EIPR1: variants seen among roughly 807,000 people sequenced by gnomAD.
EIPR1 encodes EARP and GARP complex-interacting protein 1.
Under a neutral mutation model 48.1 loss-of-function variants are expected in EIPR1, and 25 were observed. The observed-to-expected ratio is 0.52, with a 90% CI of 0.38 to 0.73. EIPR1 has a LOEUF of 0.73. Among genes scored for constraint, EIPR1 ranks in the 30% least tolerant of loss-of-function variants. The probability of loss-of-function intolerance (pLI) is 0.00; values close to 1 mark genes in which losing one functional copy is unlikely to be tolerated. For missense variants in EIPR1, 415 were observed against 506.2 expected, an observed-to-expected ratio of 0.82 and a Z score of 1.73; for synonymous variants, 204 against 201.9, an observed-to-expected ratio of 1.01 and a Z score of -0.09.
At chr2:3,373,372 T>C (rs1399925479) in intron 1 of EIPR1, among the ~76,000 whole-genome samples, 2 of 152,130 alleles carry the variant, frequency 1.3e-5, no homozygotes, top group African/African-American at 4.8e-5. Context: ...TGTTGGAAGT[T>C]CTGGCCAGGG....
chr2:3,269,699 ACACT>A (rs1232397270), intron 3 of EIPR1, among the ~76,000 whole-genome samples: 1 of 122,042 alleles, frequency 8.2e-6, no homozygotes, highest in African/African-American at 3.2e-5. Flanking sequence ...CTCAATCATC[ACACT>A]CAATCATCGC....
At chr2:3,263,823 C>A (rs1318487020) in intron 3 of EIPR1, among the ~76,000 whole-genome samples, 1 of 150,638 alleles carries the variant, frequency 6.6e-6, no homozygotes, top group African/African-American at 2.5e-5. Context: ...GTGTCCCCAA[C>A]AAATGATGCT....
intron 4 of EIPR1, among the ~76,000 whole-genome samples, chr2:3,255,980 C>T (rs1038370523): frequency 1.1e-4 from 16 of 152,268 alleles, no homozygotes; most frequent in African/African-American, 2.6e-4. Context: ...TGCATTCGGG[C>T]GGGGAGTGAC....
chr2:3,301,152 C>T (rs1668751613), intron 3 of EIPR1: 1 of 152,252 alleles, frequency 6.6e-6, no homozygotes, highest in East Asian at 1.9e-4. Flanking sequence ...CAGAGGTCAG[C>T]ATCACGGGCA....
chr2:3,370,669 G>A (rs1483007825), intron 1 of EIPR1, among the ~76,000 whole-genome samples: 8 of 151,702 alleles, frequency 5.3e-5, no homozygotes, highest in South Asian at 2.1e-4. Context: ...GAAATGAAGC[G>A]AGAAGGGAAG....
chr2:3,257,689 A>T (rs1343289159), intron 3 of EIPR1: 2 of 404,188 alleles, frequency 4.9e-6, no homozygotes, highest in African/African-American at 4.1e-5. Flanking sequence ...TGTTTTAAAA[A>T]CCATCATGCT....
At chr2:3,322,344 G>A (rs897313251) in intron 3 of EIPR1, among the ~76,000 whole-genome samples, 1 of 152,220 alleles carries the variant, frequency 6.6e-6, no homozygotes, top group Admixed American at 6.5e-5. Context: ...TCTCTGTCCT[G>A]AGTACTTACT....
At chr2:3,365,308 T>G (rs558509402) in intron 1 of EIPR1, among the ~76,000 whole-genome samples, 1 of 151,880 alleles carries the variant, frequency 6.6e-6, no homozygotes, top group Non-Finnish European at 1.5e-5. Context: ...ATAGATTAGA[T>G]AGATAGAGAT....
chr2:3,296,339 C>T (rs1246510948), intron 3 of EIPR1, among the ~76,000 whole-genome samples: 1 of 133,792 alleles, frequency 7.5e-6, no homozygotes, highest in African/African-American at 2.8e-5. Flanking sequence ...CCATCCAGCC[C>T]GTTCTCTCTC....
At chr2:3,338,390 A>G (rs3811618) in intron 2 of EIPR1, among the ~76,000 whole-genome samples, 73,644 of 152,060 alleles carry the variant, frequency 0.48, 19,850 homozygotes, top group East Asian at 0.82. Flanking sequence ...TAAGACTGCC[A>G]TCCGGTCATA....
intron 3 of EIPR1, among the ~76,000 whole-genome samples, chr2:3,275,652 A>G (rs560344489): frequency 3.9e-5 from 6 of 152,222 alleles, no homozygotes; most frequent in African/African-American, 1.4e-4. Flanking sequence ...TGGAAAAGAG[A>G]CTCCATATCA....
At chr2:3,269,145 G>A (rs1026452773) in intron 3 of EIPR1, among the ~76,000 whole-genome samples, 6 of 152,288 alleles carry the variant, frequency 3.9e-5, no homozygotes, top group Middle Eastern at 3.4e-3. Context: ...CCAAAAATGC[G>A]TGTGGTCTGA....
intron 3 of EIPR1, among the ~76,000 whole-genome samples, chr2:3,263,035 T>C (rs1288479710): frequency 2.0e-5 from 3 of 152,208 alleles, no homozygotes; most frequent in Admixed American, 6.5e-5. Context: ...GTGGGAGTCC[T>C]GTACTTTTAG....
chr2:3,197,842 G>C (rs2103110064), intron 5 of EIPR1, among the ~76,000 whole-genome samples: 1 of 152,334 alleles, frequency 6.6e-6, no homozygotes, highest in South Asian at 2.1e-4. Flanking sequence ...TTTCAAACCA[G>C]CTGTGCTCTT....
In EIPR1 at chr2:3,189,968, T is replaced by C. The variant is rs1389037578; in HGVS notation, c.990-460A>G. Among the ~76,000 whole-genome samples, 1 of 152,054 alleles carries C rather than the reference T, an allele frequency of 6.6e-6. No homozygotes were observed. The highest frequency in any genetic ancestry group is 1.5e-5 in the Non-Finnish European group (1 of 67,986). On this transcript the variant is annotated intron_variant, in intron 8 of 8. Coordinates refer to ENST00000382125, the MANE Select transcript of EIPR1 (RefSeq NM_003310.5). This position sits in a 1 kb window ranked among gnomAD's most constrained non-coding sequence, Gnocchi z 4.6. Reference sequence around the variant, plus strand: ...GCAGCGGGTCCAGCTCCTGGCTGTGTAGGAGTCAGAGGCTGGGGCACAAGG... The same window carrying C: ...GCAGCGGGTCCAGCTCCTGGCTGTGCAGGAGTCAGAGGCTGGGGCACAAGG...
chr2:3,227,943 T>C (rs1219157662), intron 4 of EIPR1, among the ~76,000 whole-genome samples: 1 of 152,270 alleles, frequency 6.6e-6, no homozygotes, highest in Non-Finnish European at 1.5e-5. Flanking sequence ...AGAGGATGTA[T>C]GACAATGTCT....
intron 1 of EIPR1, among the ~76,000 whole-genome samples, chr2:3,361,282 C>T (rs1410744774): frequency 1.3e-5 from 2 of 152,056 alleles, no homozygotes; most frequent in Non-Finnish European, 2.9e-5. Context: ...GCAGATATTA[C>T]CTGTAATCTC....
intron 3 of EIPR1, among the ~76,000 whole-genome samples, chr2:3,336,463 CT>C (rs2103348804): frequency 1.3e-5 from 2 of 152,226 alleles, no homozygotes; most frequent in East Asian, 3.9e-4. Flanking sequence ...CATGGGGCAG[CT>C]GTGAAGTTAA....
intron 4 of EIPR1, among the ~76,000 whole-genome samples, chr2:3,225,839 T>C (rs528211899): frequency 3.3e-5 from 5 of 152,318 alleles, no homozygotes; most frequent in Admixed American, 6.5e-5. Context: ...CATTGTACTC[T>C]TCCTTTCTAG....
Sources: allele counts gnomAD v4.1 joint callset (sites outside exome capture counted in the v4.1 genomes callset), GRCh38; gene constraint gnomAD v4.1.1; non-coding constraint Gnocchi (gnomAD v3.1); transcripts MANE v1.5; gene names NCBI Gene and HGNC (gene_info 2026-07-23, HGNC 2026-07-21).